The following IL1RAPL1 variants were observed in gnomAD, a reference collection of about 807,000 sequenced individuals.
IL1RAPL1 encodes the protein interleukin-1 receptor accessory protein-like 1.
In IL1RAPL1, 3 loss-of-function variants were observed where a neutral mutation model predicts 48.4. That is an observed-to-expected ratio of 0.06 (90% CI 0.03 to 0.16). The LOEUF is 0.16. Ranked by LOEUF, IL1RAPL1 falls within the 10% of genes least tolerant of loss-of-function variation. The pLI is 1.00. For synonymous variants in IL1RAPL1, 185 were observed against 187.7 expected, an observed-to-expected ratio of 0.99 and a Z score of 0.12; for missense variants, 349 against 530.6, an observed-to-expected ratio of 0.66 and a Z score of 3.36.
chrX:28,614,792 C>G (rs1490812946), intron 1 of IL1RAPL1, among the ~76,000 whole-genome samples: 1 of 112,164 alleles, frequency 8.9e-6, no homozygotes, highest in Non-Finnish European at 1.9e-5. Flanking sequence ...TAGTATTGAA[C>G]TAGTGAGGAT....
intron 6 of IL1RAPL1, among the ~76,000 whole-genome samples, chrX:29,803,099 G>A (rs368114453): frequency 3.4e-5 from 3 of 88,866 alleles, no homozygotes; most frequent in South Asian, 1.0e-3. Context: ...ATGTATACAT[G>A]TATACATATA....
chrX:29,712,654 C>G (rs1927384233), intron 6 of IL1RAPL1, among the ~76,000 whole-genome samples: 1 of 111,598 alleles, frequency 9.0e-6, no homozygotes, highest in African/African-American at 3.3e-5. Flanking sequence ...GACTATGTAG[C>G]CCATATGAAT....
chrX:29,678,362 T>G (rs1485044566), intron 6 of IL1RAPL1, among the ~76,000 whole-genome samples: 1 of 86,992 alleles, frequency 1.1e-5, no homozygotes, highest in African/African-American at 4.3e-5. Flanking sequence ...TTTTTTTTTT[T>G]TTTTTTTTTT....
chrX:29,665,700 G>C (rs559389429), intron 5 of IL1RAPL1, among the ~76,000 whole-genome samples: 48 of 112,094 alleles, frequency 4.3e-4, no homozygotes, highest in African/African-American at 1.5e-3. Flanking sequence ...CTCAGCCATT[G>C]TGGTCTCTGG....
At chrX:28,750,644 A>T (rs1936032606) in intron 1 of IL1RAPL1, among the ~76,000 whole-genome samples, 1 of 111,903 alleles carries the variant, frequency 8.9e-6, no homozygotes. Context: ...ATTTCTATAC[A>T]CTTAGTATTA....
intron 2 of IL1RAPL1, among the ~76,000 whole-genome samples, chrX:29,218,559 A>C (rs1930919366): frequency 8.9e-6 from 1 of 111,867 alleles, no homozygotes; most frequent in Non-Finnish European, 1.9e-5. Context: ...TAATTATTAA[A>C]AACCAAGAAA....
chrX:29,087,367 A>C (rs1366710427), intron 2 of IL1RAPL1, among the ~76,000 whole-genome samples: 1 of 109,644 alleles, frequency 9.1e-6, no homozygotes, highest in Non-Finnish European at 1.9e-5. Context: ...GGATCTCTTG[A>C]CCTCGTGATC....
chrX:28,824,258 C>G (rs1388763633), intron 2 of IL1RAPL1, among the ~76,000 whole-genome samples: 1 of 110,841 alleles, frequency 9.0e-6, no homozygotes, highest in East Asian at 2.8e-4. Context: ...AAAGAGTAAC[C>G]TAAATTACTT....
At chrX:29,503,258 T>A (rs1486459467) in intron 5 of IL1RAPL1, among the ~76,000 whole-genome samples, 1 of 112,068 alleles carries the variant, frequency 8.9e-6, no homozygotes, top group Non-Finnish European at 1.9e-5. Flanking sequence ...TTTGTCGATC[T>A]TCTGTACTTT....
intron 2 of IL1RAPL1, among the ~76,000 whole-genome samples, chrX:28,930,125 G>A (rs1749737164): frequency 8.9e-6 from 1 of 111,927 alleles, no homozygotes; most frequent in Non-Finnish European, 1.9e-5. Context: ...AAAAGCTCAT[G>A]TTAGCTTCTC....
chrX:29,032,743 G>GCACACA (rs34159057), intron 2 of IL1RAPL1, among the ~76,000 whole-genome samples: 2 of 105,623 alleles, frequency 1.9e-5, no homozygotes, highest in Non-Finnish European at 3.9e-5. Context: ...ACGTGGGCAT[G>GCACACA]CACACACACA....
At position 29,954,407 on chromosome X, in the gene IL1RAPL1, G is replaced by A. The variant is rs1181202002; in HGVS notation, c.1202-115G>A. 7 of 584,010 alleles carry A rather than the reference G, an allele frequency of 1.2e-5. No individual in the cohort carries two copies. In the African/African-American group the frequency reaches 1.6e-4, roughly 13 times the overall value. The allele number at this position is 584,010 out of a possible 1,213,427, so 48.1% of individuals were successfully genotyped here. On this transcript the variant is annotated intron_variant, in intron 9 of 10. Transcript: ENST00000378993. Reference sequence around the variant, plus strand: ...AACTTAATGAAGGCTTCATTTTTCGGTCTTTCAGAAATGGGACATTTGGAG... The same window carrying A: ...AACTTAATGAAGGCTTCATTTTTCGATCTTTCAGAAATGGGACATTTGGAG...
At chrX:29,915,152 G>A (rs1278177470) in intron 6 of IL1RAPL1, among the ~76,000 whole-genome samples, 2 of 111,825 alleles carry the variant, frequency 1.8e-5, no homozygotes, top group African/African-American at 6.5e-5. Flanking sequence ...AAATAAATTA[G>A]TCGGGCGTGG....
chrX:29,670,652 A>G (rs1926116098), intron 6 of IL1RAPL1, among the ~76,000 whole-genome samples: 1 of 112,309 alleles, frequency 8.9e-6, no homozygotes, highest in South Asian at 3.6e-4. Flanking sequence ...AGGAAAGAAT[A>G]TTAAAGACAA....
chrX:29,220,068 T>A (rs1461836854), intron 2 of IL1RAPL1, among the ~76,000 whole-genome samples: 1 of 111,787 alleles, frequency 8.9e-6, no homozygotes, highest in African/African-American at 3.2e-5. Flanking sequence ...AAATCAATGA[T>A]AAGGTACAGT....
At chrX:29,755,315 G>T (rs1928584523) in intron 6 of IL1RAPL1, among the ~76,000 whole-genome samples, 1 of 111,904 alleles carries the variant, frequency 8.9e-6, no homozygotes, top group Non-Finnish European at 1.9e-5. Context: ...GCAACTATTA[G>T]GAGGCTGGGA....
At chrX:29,590,085 G>A (rs1372559670) in intron 5 of IL1RAPL1, among the ~76,000 whole-genome samples, 1 of 110,207 alleles carries the variant, frequency 9.1e-6, no homozygotes, top group Non-Finnish European at 1.9e-5. Context: ...GAGCAGGAAC[G>A]AGAGAGAGAG....
intron 5 of IL1RAPL1, among the ~76,000 whole-genome samples, chrX:29,602,283 T>C (rs765810002): frequency 8.9e-6 from 1 of 111,889 alleles, no homozygotes; most frequent in East Asian, 2.8e-4. Flanking sequence ...GCGCGTGGCC[T>C]ATTCTTAATA....
chrX:29,356,461 C>T lies in IL1RAPL1; in HGVS notation c.363-39797C>T, dbSNP rs149705194. Reference sequence around the variant, plus strand: ...TACTAAGCACTATGTTTTAAAGATCCATTTATACTATATACATACATATAT... The same window carrying T: ...TACTAAGCACTATGTTTTAAAGATCTATTTATACTATATACATACATATAT... On this transcript the variant is annotated intron_variant, in intron 3 of 10. Transcript: ENST00000378993. Among the ~76,000 whole-genome samples, 475 of 80,316 alleles carry T rather than the reference C, an allele frequency of 5.9e-3. 3 individuals carry two copies. The highest frequency in any genetic ancestry group is 0.02 in the African/African-American group (454 of 22,648). 69.7% of individuals were successfully genotyped at this position (80,316 alleles called of 115,157 possible).
Sources: allele counts gnomAD v4.1 joint callset (sites outside exome capture counted in the v4.1 genomes callset), GRCh38; gene constraint gnomAD v4.1.1; transcripts MANE v1.5; gene names NCBI Gene and HGNC (gene_info 2026-07-23, HGNC 2026-07-21).